SLC24A2: variants seen among roughly 807,000 people sequenced by gnomAD.
SLC24A2 encodes the protein sodium/potassium/calcium exchanger 2.
SLC24A2 carries 36 observed loss-of-function variants against 62.0 expected under a neutral mutation model. The observed-to-expected ratio is 0.58, with a 90% confidence interval of 0.44 to 0.77. The LOEUF (loss-of-function observed/expected upper bound fraction) is 0.77, where lower values mean the gene tolerates loss of function less well. Ranked by LOEUF, SLC24A2 falls within the 30% of genes least tolerant of loss-of-function variation. The probability of loss-of-function intolerance (pLI) is 0.00; values close to 1 mark genes in which losing one functional copy is unlikely to be tolerated. For synonymous variants in SLC24A2, 358 were observed against 294.0 expected (o/e 1.22, Z -2.23); for missense variants, 846 against 817.9 (o/e 1.03, Z -0.42).
chr9:19,810,925 A>G, the SLC24A2 span, among the ~76,000 whole-genome samples: 93 of 152,312 alleles, frequency 6.1e-4, no homozygotes, highest in East Asian at 0.015. Flanking sequence ...ACATACTGGG[A>G]ACGTTTCTAA....
the SLC24A2 span, among the ~76,000 whole-genome samples, chr9:19,839,720 A>G: frequency 6.6e-6 from 1 of 152,230 alleles, no homozygotes; most frequent in East Asian, 1.9e-4. Context: ...AACTGTAGCA[A>G]TAATTTCAAG....
chr9:19,861,162 C>T, the SLC24A2 span, among the ~76,000 whole-genome samples: 3 of 152,106 alleles, frequency 2.0e-5, no homozygotes, highest in African/African-American at 7.2e-5. Flanking sequence ...TATGTGTGAT[C>T]CAGTACACTC....
At chr9:19,811,209 CA>C in the SLC24A2 span, among the ~76,000 whole-genome samples, 1 of 152,120 alleles carries the variant, frequency 6.6e-6, no homozygotes, top group East Asian at 1.9e-4. Context: ...GAGAAATTGA[CA>C]GTCTGCAACC....
In SLC24A2 at chr9:19,507,552, C is replaced by A. The variant is rs1400010152; in HGVS notation, c.*8601G>T. On this transcript the variant is annotated 3_prime_UTR_variant, in exon 11 of 11. Transcript: ENST00000341998. ...ATGAATTGATTATCAGTAGTAGAAG[C>A]ACAAAGGTATGGACAGTGAAACAAG... 2.6e-5 allele frequency: 4 copies of A among 152,156 alleles called. No individual in the cohort carries two copies. The highest frequency in any genetic ancestry group is 9.7e-5 in the African/African-American group (4 of 41,440). The allele number at this position is 152,156 out of a possible 1,614,324, so 9.4% of individuals were successfully genotyped here. A position where few individuals can be genotyped will look rare whatever the true frequency, so the allele number is the denominator to read the frequency against.
In SLC24A2 at chr9:19,513,153, G is replaced by GATATATATATATATATATATATATATAT. The variant is rs1188899124; in HGVS notation, c.*2999_*3000insATATATATATATATATATATATATATAT. 13 of 80,520 alleles carry GATATATATATATATATATATATATATAT rather than the reference G, an allele frequency of 1.6e-4. No homozygotes were observed. The highest frequency in any genetic ancestry group is 3.1e-4 in the Admixed American group (2 of 6,528). The allele number at this position is 80,520 out of a possible 1,614,324, so 5.0% of individuals were successfully genotyped here. A position where few individuals can be genotyped will look rare whatever the true frequency, so the allele number is the denominator to read the frequency against. On this transcript the variant is annotated 3_prime_UTR_variant, in exon 11 of 11. Transcript: ENST00000341998. ...TGTGTACATATAGATCTGGTATAAA[G>GATATATATATATATATATATATATATAT]ATATATATATATATATATATATGTA...
At chr9:19,659,107 G>C (rs184895720) in intron 2 of SLC24A2, among the ~76,000 whole-genome samples, 1 of 152,262 alleles carries the variant, frequency 6.6e-6, no homozygotes, top group East Asian at 1.9e-4. Flanking sequence ...GGGTAGGGAG[G>C]TCCTAGTCCA....
At chr9:19,719,587 G>C (rs1044596568) in intron 2 of SLC24A2, among the ~76,000 whole-genome samples, 5 of 152,128 alleles carry the variant, frequency 3.3e-5, no homozygotes, top group Admixed American at 3.3e-4. Context: ...AGAAAGTTGA[G>C]ATGCAGAGCA....
intron 2 of SLC24A2, among the ~76,000 whole-genome samples, chr9:19,777,442 G>A (rs1367789690): frequency 6.6e-6 from 1 of 152,126 alleles, no homozygotes; most frequent in African/African-American, 2.4e-5. Flanking sequence ...TACGAAATCA[G>A]AAATTCATGT....
the SLC24A2 span, among the ~76,000 whole-genome samples, chr9:19,906,903 A>T: frequency 6.6e-6 from 1 of 152,224 alleles, no homozygotes; most frequent in Non-Finnish European, 1.5e-5. Context: ...AGGTACAAGG[A>T]GGAGCTGGCA....
chr9:19,642,829 C>T (rs1469279437), intron 2 of SLC24A2, among the ~76,000 whole-genome samples: 16 of 150,872 alleles, frequency 1.1e-4, no homozygotes, highest in Non-Finnish European at 2.1e-4. Context: ...TACAGGCGCC[C>T]GCCACTGTGC....
chr9:20,192,635 A>T, the SLC24A2 span, among the ~76,000 whole-genome samples: 1 of 152,302 alleles, frequency 6.6e-6, no homozygotes, highest in Middle Eastern at 3.4e-3. Flanking sequence ...GAACTATGTC[A>T]TTATTAACCT....
chr9:19,883,092 A>T, the SLC24A2 span, among the ~76,000 whole-genome samples: 1 of 152,348 alleles, frequency 6.6e-6, no homozygotes, highest in South Asian at 2.1e-4. Flanking sequence ...TAGAATATCA[A>T]ATGATTAAAA....
the SLC24A2 span, among the ~76,000 whole-genome samples, chr9:20,100,870 T>A: frequency 1.3e-5 from 2 of 152,314 alleles, no homozygotes; most frequent in African/African-American, 4.8e-5. Context: ...GGCCCTTTTA[T>A]CTTGGAAAGA....
chr9:20,023,359 G>T, the SLC24A2 span, among the ~76,000 whole-genome samples: 2 of 152,160 alleles, frequency 1.3e-5, no homozygotes, highest in African/African-American at 4.8e-5. Flanking sequence ...AACACAAAGG[G>T]AACTCCATAG....
intron 8 of SLC24A2, among the ~76,000 whole-genome samples, chr9:19,549,914 C>T (rs1259528077): frequency 2.0e-5 from 3 of 152,194 alleles, no homozygotes; most frequent in Non-Finnish European, 4.4e-5. Flanking sequence ...GATTGTGTGT[C>T]TGCTCAGAGA....
At chr9:19,882,631 C>A in the SLC24A2 span, among the ~76,000 whole-genome samples, 1 of 150,676 alleles carries the variant, frequency 6.6e-6, no homozygotes, top group South Asian at 2.1e-4. Flanking sequence ...GGGATTTGGT[C>A]CCTCTGCAAA....
chr9:19,550,719 T>TTG (rs397708397), intron 7 of SLC24A2, among the ~76,000 whole-genome samples: 1 of 151,204 alleles, frequency 6.6e-6, no homozygotes, highest in Non-Finnish European at 1.5e-5. Context: ...TTTTTTTTTT[T>TTG]GGAACACTGA....
At chr9:20,280,201 C>T in the SLC24A2 span, among the ~76,000 whole-genome samples, 2 of 152,170 alleles carry the variant, frequency 1.3e-5, no homozygotes, top group African/African-American at 2.4e-5. Context: ...GAAAGTTAAA[C>T]GAAGATGTGG....
chr9:20,041,255 C>T, the SLC24A2 span, among the ~76,000 whole-genome samples: 1 of 152,246 alleles, frequency 6.6e-6, no homozygotes, highest in Non-Finnish European at 1.5e-5. Context: ...AGCCCCTCCT[C>T]TGTCTTTTTC....
Sources: gnomAD v4.1 joint callset for allele counts (sites outside exome capture counted in the v4.1 genomes callset) on GRCh38, gnomAD v4.1.1 for gene constraint, MANE v1.5 for transcripts, NCBI Gene and HGNC (gene_info 2026-07-23, HGNC 2026-07-21) for gene names.